AVL9: variants seen among roughly 807,000 people sequenced by gnomAD.
AVL9 encodes the protein AVL9 cell migration associated, also known as late secretory pathway protein AVL9 homolog.
Under a neutral mutation model 79.2 loss-of-function variants are expected in AVL9, and 49 were observed. That is an observed-to-expected ratio of 0.62 (90% CI 0.49 to 0.79). The LOEUF (loss-of-function observed/expected upper bound fraction) is 0.79. Among genes scored for constraint, AVL9 ranks in the 30% least tolerant of loss-of-function variants. The pLI is 0.00. For missense variants in AVL9, 682 were observed against 776.8 expected (o/e 0.88, Z 1.45); for synonymous variants, 299 against 280.6 (o/e 1.07, Z -0.65).
chr7:32,517,149 G>T (rs1787937935), intron 1 of AVL9, among the ~76,000 whole-genome samples: 1 of 152,118 alleles, frequency 6.6e-6, no homozygotes, highest in African/African-American at 2.4e-5. Context: ...GAATCTTTGT[G>T]TGAGGGTGTA....
Position 32,569,952 on chromosome 7 carries a change from C to T in AVL9, c.1216-68C>T, listed in dbSNP as rs1562795188. On this transcript the variant is annotated intron_variant, in intron 10 of 15. Transcript: ENST00000318709. ...GAAGTTTCTTTTCCTACTGTTAGCTCACTAAGTTTAAAGAGAAAGGTAACC... is the reference window on the plus strand; with the variant it reads ...GAAGTTTCTTTTCCTACTGTTAGCTTACTAAGTTTAAAGAGAAAGGTAACC... 11 of 1,512,694 alleles carry T rather than the reference C, an allele frequency of 7.3e-6. No individual in the cohort carries two copies. The Admixed American group carries it at 1.4e-4, about 19-fold the overall frequency. The allele number at this position is 1,512,694 out of a possible 1,614,324, so 93.7% of individuals were successfully genotyped here. A position where few individuals can be genotyped will look rare whatever the true frequency, so the allele number is the denominator to read the frequency against.
intron 13 of AVL9, among the ~76,000 whole-genome samples, chr7:32,576,324 GT>G (rs1405620117): frequency 6.6e-6 from 1 of 152,170 alleles, no homozygotes; most frequent in Non-Finnish European, 1.5e-5. Context: ...CAGAGAGGAA[GT>G]CCCTGGCACT....
intron 1 of AVL9, among the ~76,000 whole-genome samples, chr7:32,511,236 T>G (rs4723164): frequency 0.97 from 136,215 of 140,426 alleles, 66,151 homozygotes; most frequent in East Asian, 1. Context: ...ATCAAGTCTC[T>G]TTGGGAGAAT....
chr7:32,573,552 G>GTGACT, intron 12 of AVL9, 134 bp downstream of exon 12: 1 of 781,282 alleles, frequency 1.3e-6, no homozygotes. Flanking sequence ...CTCATACAAA[G>GTGACT]ATAGCCACTT....
chr7:32,523,150 CAAAAAAAA>C (rs59565422), intron 1 of AVL9, among the ~76,000 whole-genome samples: 1 of 81,282 alleles, frequency 1.2e-5, no homozygotes, highest in Non-Finnish European at 2.4e-5. Flanking sequence ...GGTAATTAAC[CAAAAAAAA>C]AAAAAAAAAA....
chr7:32,559,505 G>A, intron 10 of AVL9, 41 bp downstream of exon 10: 7 of 1,495,314 alleles, frequency 4.7e-6, no homozygotes, highest in Non-Finnish European at 6.2e-6. Flanking sequence ...TAAAGAATTT[G>A]AAAAATCCTT....
In AVL9 at chr7:32,586,469, C is replaced by CCCCA. The variant is rs1554350215; in HGVS notation, c.*2565_*2566insACCC. On this transcript the variant is annotated 3_prime_UTR_variant, in exon 16 of 16. Coordinates refer to ENST00000318709, the MANE Select transcript of AVL9 (RefSeq NM_015060.3). ...TCACCCCTGGTCCTGTGACCCCCCC[C>CCCCA]CCCCACACACACACATACTTCAGGC... is the stretch of plus-strand genomic sequence containing the variant. 9 of 135,216 alleles carry CCCCA rather than the reference C, an allele frequency of 6.7e-5. No individual in the cohort carries two copies. The highest frequency in any genetic ancestry group is 2.1e-4 in the East Asian group (1 of 4,670). 8.4% of individuals were successfully genotyped at this position (135,216 alleles called of 1,614,324 possible).
In AVL9 at chr7:32,586,472, C is replaced by CCCACACA. The variant is rs34422070; in HGVS notation, c.*2566_*2567insCACACAC. ...CCCCTGGTCCTGTGACCCCCCCCCC[C>CCCACACA]CACACACACACATACTTCAGGCTTG... On this transcript the variant is annotated 3_prime_UTR_variant, in exon 16 of 16. Transcript: ENST00000318709. 1.4e-5 allele frequency: 2 copies of CCCACACA among 142,960 alleles called. No homozygotes were observed. Among genetic ancestry groups the CCCACACA allele is most frequent in the African/African-American group, 5.2e-5 (2 of 38,730 alleles). The allele number at this position is 142,960 out of a possible 1,614,324, so 8.9% of individuals were successfully genotyped here.
At chr7:32,517,515 AGGCTGGTCTTG>A (rs1562759120) in intron 1 of AVL9, among the ~76,000 whole-genome samples, 1 of 152,018 alleles carries the variant, frequency 6.6e-6, no homozygotes, top group Non-Finnish European at 1.5e-5. Context: ...CATCTTGGCC[AGGCTGGTCTTG>A]AACTCCTGAC....
intron 1 of AVL9, among the ~76,000 whole-genome samples, chr7:32,522,001 C>G (rs1162740427): frequency 1.3e-5 from 2 of 152,176 alleles, no homozygotes; most frequent in African/African-American, 4.8e-5. Context: ...GCACAGAAGT[C>G]AAAGAATTGA....
At chr7:32,554,400 T>TAATA (rs2128139594) in intron 7 of AVL9, among the ~76,000 whole-genome samples, 158 bp from the exon 8 acceptor site, 1 of 152,344 alleles carries the variant, frequency 6.6e-6, no homozygotes, top group South Asian at 2.1e-4. Context: ...AGTACACAGG[T>TAATA]AATATTTAAC....
chr7:32,496,093 A>G (rs766621486), intron 1 of AVL9, among the ~76,000 whole-genome samples: 10 of 152,170 alleles, frequency 6.6e-5, no homozygotes, highest in Non-Finnish European at 1.3e-4. Context: ...AGTGGGAGGA[A>G]AGCATCGAAG....
intron 1 of AVL9, among the ~76,000 whole-genome samples, chr7:32,515,747 G>A (rs1351861591): frequency 6.6e-6 from 1 of 152,038 alleles, no homozygotes; most frequent in Non-Finnish European, 1.5e-5. Context: ...CATATTGTTG[G>A]GTTTTTGTTG....
At chr7:32,501,669 G>A (rs1787134705) in intron 1 of AVL9, among the ~76,000 whole-genome samples, 1 of 152,222 alleles carries the variant, frequency 6.6e-6, no homozygotes, top group African/African-American at 2.4e-5. Context: ...ATATCAGGAA[G>A]ATTCCTTTGT....
Position 32,544,719 on chromosome 7 carries a change from C to A in AVL9, c.240C>A (p.Pro80=). The A allele has an allele frequency of 1.2e-6, 2 of 1,613,700 alleles. No homozygotes were observed. Among genetic ancestry groups the A allele is most frequent in the Non-Finnish European group, 1.7e-6 (2 of 1,179,808 alleles). ...QEDTVFFHLP[P]RNGNGATVFG... ...ATACTGTGTTTTTTCACTTGCCACCCAGAAATGGAAATGGAGCCACAGTAT... is the reference window on the plus strand; with the variant it reads ...ATACTGTGTTTTTTCACTTGCCACCAAGAAATGGAAATGGAGCCACAGTAT... The change falls in exon 3 of 16, where the codon CCC becomes CCA. Residue 80 remains proline (P), a synonymous_variant. Coordinates refer to ENST00000318709, the MANE Select transcript of AVL9 (RefSeq NM_015060.3).
chr7:32,551,740 C>T (rs1385448207), intron 5 of AVL9, among the ~76,000 whole-genome samples: 3 of 149,870 alleles, frequency 2.0e-5, no homozygotes, highest in African/African-American at 7.4e-5. Flanking sequence ...ATAAACTGCA[C>T]AGTATTTTTA....
rs138361152 is a variant in AVL9, at chr7:32,575,980, T to C, written c.1596T>C (p.Tyr532=). The C allele has an allele frequency of 2.2e-5, 35 of 1,613,424 alleles. No individual in the cohort carries two copies. Among genetic ancestry groups the C allele is most frequent in the African/African-American group, 4.0e-5 (3 of 74,920 alleles). The change falls in exon 13 of 16, where the codon TAT becomes TAC. Residue 532 remains tyrosine, a synonymous_variant. Coordinates refer to ENST00000318709, the MANE Select transcript of AVL9 (RefSeq NM_015060.3). ...ACAATGAAAAGATATTATCGGACTA[T>C]GGGACAACTTTTGTTACAGCATGGA... is the stretch of plus-strand genomic sequence containing the variant. The part of the protein sequence containing the change: ...QLDNEKILSD[Y]GTTFVTAWKN...
chr7:32,582,382 A>C (rs911156279), intron 15 of AVL9, among the ~76,000 whole-genome samples: 1 of 152,136 alleles, frequency 6.6e-6, no homozygotes, highest in African/African-American at 2.4e-5. Flanking sequence ...AGAGACAGAA[A>C]ACTCTACAGA....
At chr7:32,551,269 A>G (rs1297032228) in intron 4 of AVL9, 65 bp from the exon 5 acceptor site, 3 of 1,080,750 alleles carry the variant, frequency 2.8e-6, no homozygotes, top group Non-Finnish European at 1.4e-6. Context: ...TTTTACTATT[A>G]TCAACCAATT....
Sources: allele counts gnomAD v4.1 joint callset (sites outside exome capture counted in the v4.1 genomes callset), GRCh38; gene constraint gnomAD v4.1.1; transcripts MANE v1.5; gene names NCBI Gene and HGNC (gene_info 2026-07-23, HGNC 2026-07-21).